LDB2: variants seen among roughly 807,000 people sequenced by gnomAD.
LDB2 encodes LIM domain-binding protein 2.
LDB2 carries 12 observed loss-of-function variants against 44.3 expected under a neutral mutation model. The observed-to-expected ratio is 0.27, with a 90% CI of 0.17 to 0.44. The LOEUF (loss-of-function observed/expected upper bound fraction) is 0.44. Among genes scored for constraint, LDB2 ranks in the 20% least tolerant of loss-of-function variants. The pLI is 1.00. For missense variants in LDB2, 344 were observed against 473.5 expected (o/e 0.73, Z 2.54); for synonymous variants, 164 against 174.8 (o/e 0.94, Z 0.49).
At chr4:16,724,336 A>G (rs11935424) in intron 2 of LDB2, among the ~76,000 whole-genome samples, 15,855 of 151,212 alleles carry the variant, frequency 0.1, 1,003 homozygotes, top group Admixed American at 0.17. Flanking sequence ...TGTTGGATGC[A>G]GGGAGATTTG....
chr4:16,735,106 C>T (rs756864219), intron 2 of LDB2, among the ~76,000 whole-genome samples: 4 of 152,250 alleles, frequency 2.6e-5, no homozygotes, highest in Non-Finnish European at 4.4e-5. Flanking sequence ...CAGTGTTTGA[C>T]GCTGAGGGTA....
intron 5 of LDB2, among the ~76,000 whole-genome samples, chr4:16,556,985 A>G (rs1342955586): frequency 6.6e-6 from 1 of 152,234 alleles, no homozygotes; most frequent in Non-Finnish European, 1.5e-5. Context: ...TGATATTATC[A>G]TATCCACAGA....
At chr4:16,576,329 A>G (rs1477347923) in intron 5 of LDB2, among the ~76,000 whole-genome samples, 1 of 152,148 alleles carries the variant, frequency 6.6e-6, no homozygotes, top group Non-Finnish European at 1.5e-5. Flanking sequence ...ACAAATTAGA[A>G]AAACCTTGAG....
rs2152188362 is a variant in LDB2 at position 16,502,891 on chromosome 4, C to T, written c.892-18G>A. 2 of 1,612,388 alleles carry T rather than the reference C, an allele frequency of 1.2e-6. No homozygotes were observed. Among genetic ancestry groups the T allele is most frequent in the Non-Finnish European group, 1.7e-6 (2 of 1,178,526 alleles). The stretch of plus-strand genomic sequence containing the variant: ...ATCACATCCTGTGAACAGCAGCTGA[C>T]ATTATTACAGGGAAACCTTGGGAGA... On this transcript the variant is annotated intron_variant, in intron 7 of 7. Coordinates refer to ENST00000304523, the MANE Select transcript of LDB2 (RefSeq NM_001290.5).
intron 1 of LDB2, among the ~76,000 whole-genome samples, chr4:16,769,166 A>T (rs750850670): frequency 6.6e-6 from 1 of 152,244 alleles, no homozygotes; most frequent in East Asian, 1.9e-4. Context: ...TTGAAGACAC[A>T]CAAATAAAAG....
chr4:16,549,525 G>A (rs970831971), intron 5 of LDB2, among the ~76,000 whole-genome samples: 3 of 152,174 alleles, frequency 2.0e-5, no homozygotes, highest in Admixed American at 6.5e-5. Flanking sequence ...ATCATCTTCT[G>A]TCTGGATTTT....
intron 2 of LDB2, among the ~76,000 whole-genome samples, chr4:16,707,441 T>C (rs1231948966): frequency 2.0e-5 from 3 of 152,164 alleles, no homozygotes; most frequent in African/African-American, 4.8e-5. Context: ...AATCCTGGAA[T>C]TTAATCAGCT....
chr4:16,624,719 A>G (rs1343021760), intron 2 of LDB2, among the ~76,000 whole-genome samples: 1 of 152,164 alleles, frequency 6.6e-6, no homozygotes, highest in Non-Finnish European at 1.5e-5. Context: ...AACTTTATTC[A>G]CAATTGAACC....
At chr4:16,683,990 G>T (rs1280329300) in intron 2 of LDB2, among the ~76,000 whole-genome samples, 1 of 152,160 alleles carries the variant, frequency 6.6e-6, no homozygotes, top group African/African-American at 2.4e-5. Context: ...AGCAGTAATG[G>T]ATCAGAAGAC....
intron 2 of LDB2, among the ~76,000 whole-genome samples, chr4:16,643,683 G>A (rs1204340743): frequency 6.6e-6 from 1 of 151,938 alleles, no homozygotes; most frequent in Non-Finnish European, 1.5e-5. Context: ...TCTATTCCAA[G>A]TATTATTTGC....
chr4:16,709,402 C>T (rs1755375367), intron 2 of LDB2, among the ~76,000 whole-genome samples: 1 of 152,124 alleles, frequency 6.6e-6, no homozygotes, highest in African/African-American at 2.4e-5. Context: ...GCCTCACTTC[C>T]CAAAGACCTG....
At chr4:16,648,474 A>C (rs1038207677) in intron 2 of LDB2, among the ~76,000 whole-genome samples, 2 of 152,186 alleles carry the variant, frequency 1.3e-5, no homozygotes, top group Non-Finnish European at 2.9e-5. Context: ...TCAACTCTCT[A>C]GCTTGATGAA....
chr4:16,813,304 T>C (rs1780256052), intron 1 of LDB2, among the ~76,000 whole-genome samples: 1 of 152,192 alleles, frequency 6.6e-6, no homozygotes, highest in Non-Finnish European at 1.5e-5. Context: ...CTCATTTGTA[T>C]GATAAGACTA....
intron 1 of LDB2, among the ~76,000 whole-genome samples, chr4:16,875,510 A>G (rs1439593015): frequency 1.3e-5 from 2 of 152,222 alleles, no homozygotes; most frequent in Admixed American, 6.5e-5. Flanking sequence ...ACTTAAAATT[A>G]TTTTTAAAAA....
intron 2 of LDB2, among the ~76,000 whole-genome samples, chr4:16,729,556 A>C (rs1760287387): frequency 6.6e-6 from 1 of 152,210 alleles, no homozygotes; most frequent in Non-Finnish European, 1.5e-5. Flanking sequence ...GCTATATTTC[A>C]GGCCGCTTTT....
Position 16,543,828 on chromosome 4 carries a change from C to T in LDB2, c.616-31724G>A, listed in dbSNP as rs144698918. ...AACTACCATCAGAGTGAACAGGCAA[C>T]CTACAGAATGGGAGAAAATTTTTAC... On this transcript the variant is annotated intron_variant, in intron 5 of 7. Coordinates refer to ENST00000304523, the MANE Select transcript of LDB2 (RefSeq NM_001290.5). Among the ~76,000 whole-genome samples, 1,534 of 152,218 alleles carry T rather than the reference C, an allele frequency of 0.01. 144 individuals carry two copies. The East Asian group carries it at 0.22, about 22-fold the overall frequency.
chr4:16,784,787 T>G (rs370734814), intron 1 of LDB2, among the ~76,000 whole-genome samples: 30 of 152,274 alleles, frequency 2.0e-4, no homozygotes, highest in African/African-American at 7.0e-4. Flanking sequence ...AACAACTCTA[T>G]CCTCTCTCCA....
At chr4:16,597,836 G>A (rs1721432362) in intron 2 of LDB2, among the ~76,000 whole-genome samples, 1 of 152,146 alleles carries the variant, frequency 6.6e-6, no homozygotes, top group Non-Finnish European at 1.5e-5. Flanking sequence ...GAGTCTTTAA[G>A]TTTAAACCTA....
At position 16,663,403 on chromosome 4, in the gene LDB2, G is replaced by T. The variant is rs114649066; in HGVS notation, c.236-67528C>A. ...ACTGAGTACAGAGTTGGGAAGAGAG[G>T]CTCATAATTGGCAGTCATAAACAAT... On this transcript the variant is annotated intron_variant, in intron 2 of 7. Coordinates refer to ENST00000304523, the MANE Select transcript of LDB2 (RefSeq NM_001290.5). Among the ~76,000 whole-genome samples, 584 of 152,266 alleles carry T rather than the reference G, an allele frequency of 3.8e-3. 5 individuals carry two copies. Among genetic ancestry groups the T allele is most frequent in the African/African-American group, 0.014 (568 of 41,526 alleles).
Sources: allele counts gnomAD v4.1 joint callset (sites outside exome capture counted in the v4.1 genomes callset), GRCh38; gene constraint gnomAD v4.1.1; transcripts MANE v1.5; gene names NCBI Gene and HGNC (gene_info 2026-07-23, HGNC 2026-07-21).